The following RASGRP3 variants were observed in gnomAD, a reference collection of about 807,000 sequenced individuals.
RASGRP3 encodes the protein RAS guanyl releasing protein 3.
Under a neutral mutation model 82.7 loss-of-function variants are expected in RASGRP3, and 54 were observed. That is an observed-to-expected ratio of 0.65 (90% CI 0.52 to 0.82). The LOEUF is 0.82. Ranked by LOEUF, RASGRP3 falls within the 40% of genes least tolerant of loss-of-function variation. RASGRP3 has a pLI of 0.00. For synonymous variants in RASGRP3, 309 were observed against 300.5 expected (o/e 1.03, Z -0.29); for missense variants, 861 against 828.9 (o/e 1.04, Z -0.48).
At chr2:33,459,032 C>T (rs989044061) in intron 2 of RASGRP3, among the ~76,000 whole-genome samples, 2 of 152,102 alleles carry the variant, frequency 1.3e-5, no homozygotes, top group African/African-American at 4.8e-5. Context: ...ACATTTTTAA[C>T]ATAAATGATT....
chr2:33,480,513 G>T (rs116300587), intron 1 of RASGRP3, among the ~76,000 whole-genome samples: 15 of 152,102 alleles, frequency 9.9e-5, no homozygotes, highest in Non-Finnish European at 1.9e-4. Flanking sequence ...TTGTACAGGG[G>T]GTGTTATATG....
At chr2:33,504,826 G>T (rs1670208781) in intron 1 of RASGRP3, among the ~76,000 whole-genome samples, 6 of 152,120 alleles carry the variant, frequency 3.9e-5, no homozygotes, top group Admixed American at 3.9e-4. Flanking sequence ...AGACCCCTAA[G>T]AATTTTACTT....
At chr2:33,560,677 A>T (rs1676548620) in intron 17 of RASGRP3, among the ~76,000 whole-genome samples, 1 of 152,248 alleles carries the variant, frequency 6.6e-6, no homozygotes, top group Non-Finnish European at 1.5e-5. Context: ...TGGGTGCTGT[A>T]GCTGCCCCTG....
intron 7 of RASGRP3, among the ~76,000 whole-genome samples, chr2:33,522,880 C>T (rs1574414979): frequency 4.6e-5 from 7 of 152,202 alleles, no homozygotes; most frequent in Admixed American, 3.9e-4. Flanking sequence ...AGTAATCCTA[C>T]TTGGAGAGGA....
chr2:33,480,922 T>A lies in RASGRP3; in HGVS notation c.-261+4215T>A, dbSNP rs985517762. On this transcript the variant is annotated intron_variant, in intron 1 of 17. Coordinates refer to ENST00000403687, the MANE Select transcript of RASGRP3 (RefSeq NM_001139488.2). Reference sequence around the variant, plus strand: ...TGATCTTTGAGCTCATCTTTGGTATTGAGAAGTCGAACCCCTGCATTTATA... The same window carrying A: ...TGATCTTTGAGCTCATCTTTGGTATAGAGAAGTCGAACCCCTGCATTTATA... Among the ~76,000 whole-genome samples, 5 of 152,284 alleles carry A rather than the reference T, an allele frequency of 3.3e-5. No homozygotes were observed. The East Asian group carries it at 9.7e-4, about 29-fold the overall frequency.
intron 1 of RASGRP3, among the ~76,000 whole-genome samples, chr2:33,495,338 A>C (rs546035966): frequency 6.6e-6 from 1 of 152,350 alleles, no homozygotes; most frequent in East Asian, 1.9e-4. Flanking sequence ...TTCGATTTTC[A>C]TAAGGAGCAT....
intron 4 of RASGRP3, among the ~76,000 whole-genome samples, chr2:33,519,527 A>T (rs1171505015): frequency 6.6e-6 from 1 of 152,156 alleles, no homozygotes; most frequent in Non-Finnish European, 1.5e-5. Context: ...GAGTGGTGTG[A>T]ACCCGGGAGG....
chr2:33,511,276 T>C (rs1244967624), intron 1 of RASGRP3, among the ~76,000 whole-genome samples: 1 of 152,136 alleles, frequency 6.6e-6, no homozygotes, highest in African/African-American at 2.4e-5. Flanking sequence ...AACAACCTGC[T>C]CTAAAATAAC....
Position 33,513,943 on chromosome 2 carries a change from T to C in RASGRP3, c.-127-1067T>C, listed in dbSNP as rs939853893. Reference sequence around the variant, plus strand: ...GTGATATCCATGCTTGTAGAAGTAATAAGAAGAAAGGGAACACAGAAGCTT... The same window carrying C: ...GTGATATCCATGCTTGTAGAAGTAACAAGAAGAAAGGGAACACAGAAGCTT... On this transcript the variant is annotated intron_variant, in intron 2 of 17. Coordinates refer to ENST00000403687, the MANE Select transcript of RASGRP3 (RefSeq NM_001139488.2). The C allele has an allele frequency of 2.6e-5, 4 of 152,296 alleles. No individual in the cohort carries two copies. The East Asian group carries it at 5.8e-4, about 22-fold the overall frequency. The allele number at this position is 152,296 out of a possible 1,614,324, so 9.4% of individuals were successfully genotyped here. A position where few individuals can be genotyped will look rare whatever the true frequency, so the allele number is the denominator to read the frequency against.
chr2:33,496,231 C>T (rs1432865013), intron 1 of RASGRP3, among the ~76,000 whole-genome samples: 1 of 152,134 alleles, frequency 6.6e-6, no homozygotes, highest in African/African-American at 2.4e-5. Context: ...TAGGCTTTAT[C>T]AGATAAAGAG....
At chr2:33,469,000 C>T (rs1427164138) in intron 2 of RASGRP3, among the ~76,000 whole-genome samples, 5 of 150,366 alleles carry the variant, frequency 3.3e-5, no homozygotes, top group Admixed American at 2.7e-4. Flanking sequence ...TGCCATTTTC[C>T]AAACCTCCTG....
At chr2:33,469,015 C>T (rs1461057271) in intron 2 of RASGRP3, among the ~76,000 whole-genome samples, 1 of 132,374 alleles carries the variant, frequency 7.6e-6, no homozygotes, top group Non-Finnish European at 1.7e-5. Context: ...CTCCTGCCAA[C>T]ACTGAGAATT....
exon 1 of RASGRP3, chr2:33,436,575 A>T (rs1664935065): frequency 6.6e-6 from 1 of 152,178 alleles, no homozygotes; most frequent in South Asian, 2.1e-4. Flanking sequence ...GATCAACATT[A>T]TTGCAGTTCT....
intron 17 of RASGRP3, among the ~76,000 whole-genome samples, chr2:33,560,826 C>T (rs1297142614): frequency 6.6e-6 from 1 of 152,198 alleles, no homozygotes; most frequent in Non-Finnish European, 1.5e-5. Flanking sequence ...TGGCCATGAG[C>T]TCATTACTAT....
rs1432729365 is a variant in RASGRP3, at chr2:33,491,799, C to CT, written c.-261+15093dup. ...GCCTCGCAGCCATCTCTCAGCTGCC[C>CT]TGCACTGAGAGGTGCCAGGTGAGGC... On this transcript the variant is annotated intron_variant, in intron 1 of 17. Coordinates refer to ENST00000403687, the MANE Select transcript of RASGRP3 (RefSeq NM_001139488.2). Among the ~76,000 whole-genome samples the CT allele has an allele frequency of 3.3e-5, 5 of 152,240 alleles. No individual in the cohort carries two copies. In the South Asian group the frequency reaches 6.2e-4, roughly 19 times the overall value.
At chr2:33,436,938 TTAA>T (rs1664955311) in intron 1 of RASGRP3, among the ~76,000 whole-genome samples, 1 of 152,190 alleles carries the variant, frequency 6.6e-6, no homozygotes. Flanking sequence ...AAATTGCTGA[TTAA>T]TAATCCACCT....
intron 14 of RASGRP3, among the ~76,000 whole-genome samples, chr2:33,551,803 C>T (rs1005115803): frequency 2.0e-5 from 3 of 152,112 alleles, no homozygotes; most frequent in East Asian, 1.9e-4. Flanking sequence ...ACCATCCTGG[C>T]TAACACGGTG....
chr2:33,456,876 C>G (rs1312419439), intron 2 of RASGRP3, among the ~76,000 whole-genome samples: 1 of 150,890 alleles, frequency 6.6e-6, no homozygotes, highest in Non-Finnish European at 1.5e-5. Flanking sequence ...TCGTCAAAGT[C>G]TACCAGGCAT....
chr2:33,461,945 T>C (rs1027542870), intron 2 of RASGRP3, among the ~76,000 whole-genome samples: 3 of 152,314 alleles, frequency 2.0e-5, no homozygotes, highest in African/African-American at 7.2e-5. Context: ...GAATTAAAAC[T>C]TGAGCAAGGG....
Sources: gnomAD v4.1 joint callset for allele counts (sites outside exome capture counted in the v4.1 genomes callset) on GRCh38, gnomAD v4.1.1 for gene constraint, MANE v1.5 for transcripts, NCBI Gene and HGNC (gene_info 2026-07-23, HGNC 2026-07-21) for gene names.